RASAL2: variants seen among roughly 807,000 people sequenced by gnomAD.
RASAL2 encodes RAS protein activator like 2.
A neutral mutation model predicts 128.9 loss-of-function variants in RASAL2; 58 were observed. That is an observed-to-expected ratio of 0.45 (90% CI 0.36 to 0.56). The LOEUF is 0.56. RASAL2 is among the 20% of genes least tolerant of loss of function. The pLI is 0.00. For synonymous variants in RASAL2, 561 were observed against 580.8 expected, an observed-to-expected ratio of 0.97 and a Z score of 0.49; for missense variants, 1,360 against 1,601.6, an observed-to-expected ratio of 0.85 and a Z score of 2.57.
intron 1 of RASAL2, among the ~76,000 whole-genome samples, chr1:178,260,476 G>A (rs1465849616): frequency 7.3e-6 from 1 of 137,118 alleles, no homozygotes. Context: ...TCTAATGTGT[G>A]TTTCTAGTTT....
At chr1:178,290,826 C>T (rs367857526) in intron 2 of RASAL2, among the ~76,000 whole-genome samples, 3 of 152,162 alleles carry the variant, frequency 2.0e-5, no homozygotes, top group African/African-American at 7.2e-5. Flanking sequence ...CAGGCGCCCA[C>T]CACCACGCAC....
chr1:178,183,076 C>T (rs1203434318), intron 1 of RASAL2, among the ~76,000 whole-genome samples: 3 of 152,150 alleles, frequency 2.0e-5, no homozygotes, highest in African/African-American at 7.2e-5. Context: ...TGCTGTGTGG[C>T]CCACTTGCTA....
At chr1:178,403,647 G>A (rs1673789184) in intron 4 of RASAL2, among the ~76,000 whole-genome samples, 2 of 152,068 alleles carry the variant, frequency 1.3e-5, no homozygotes, top group Admixed American at 6.6e-5. Context: ...AATATTAGAT[G>A]TGTATCTCAT....
chr1:178,373,274 C>CTTTTTTTTTTTTCTTTTTTTTTTTTTT (rs1671815308), intron 3 of RASAL2, among the ~76,000 whole-genome samples: 1 of 60,072 alleles, frequency 1.7e-5, no homozygotes, highest in Non-Finnish European at 3.0e-5. Context: ...TGTTTCTTTC[C>CTTTTTTTTTTTTCTTTTTTTTTTTTTT]TTTTTTTTTT....
intron 8 of RASAL2, among the ~76,000 whole-genome samples, chr1:178,444,765 A>T (rs1162548663): frequency 6.6e-6 from 1 of 152,158 alleles, no homozygotes; most frequent in African/African-American, 2.4e-5. Context: ...AGTTCAGTAG[A>T]TTCTACATTG....
At chr1:178,355,022 A>G (rs922469353) in intron 3 of RASAL2, among the ~76,000 whole-genome samples, 5 of 152,078 alleles carry the variant, frequency 3.3e-5, no homozygotes, top group African/African-American at 1.2e-4. Flanking sequence ...TACTTGGGAG[A>G]CTGAAGCAGG....
chr1:178,122,394 G>A (rs1659749689), intron 1 of RASAL2, among the ~76,000 whole-genome samples: 2 of 152,210 alleles, frequency 1.3e-5, no homozygotes, highest in Non-Finnish European at 2.9e-5. Context: ...AATGCTGCCT[G>A]CTTTGACTGT....
At chr1:178,419,125 A>T (rs1674969836) in intron 4 of RASAL2, among the ~76,000 whole-genome samples, 1 of 152,186 alleles carries the variant, frequency 6.6e-6, no homozygotes, top group South Asian at 2.1e-4. Flanking sequence ...ATGTGCTAAT[A>T]TTGGCCTAGT....
At chr1:178,400,474 C>T (rs550612931) in intron 4 of RASAL2, among the ~76,000 whole-genome samples, 24 of 152,140 alleles carry the variant, frequency 1.6e-4, no homozygotes, top group African/African-American at 4.1e-4. Context: ...ATTATAGCAC[C>T]GACACTATTA....
In RASAL2 at chr1:178,452,581, T is replaced by C. The variant is rs1572101261; in HGVS notation, c.1938T>C (p.Tyr646=). The C allele has an allele frequency of 1.9e-6, 3 of 1,614,098 alleles. No individual in the cohort carries two copies. Among genetic ancestry groups the C allele is most frequent in the Non-Finnish European group, 2.5e-6 (3 of 1,179,970 alleles). ...SPSLFNLMQE[Y]PDDRTSRTLT... is the part of the protein sequence containing the mutation. ...GTCTTTTCAACCTTATGCAGGAGTA[T>C]CCTGATGACCGCACATCTCGGACTC... The change falls in exon 11 of 18, where the codon TAT becomes TAC. Residue 646 remains tyrosine (Y), a synonymous_variant. Transcript: ENST00000367649.
chr1:178,314,859 T>A (rs1668428744), intron 3 of RASAL2, among the ~76,000 whole-genome samples: 1 of 151,110 alleles, frequency 6.6e-6, no homozygotes, highest in Admixed American at 6.6e-5. Flanking sequence ...TACATATGTA[T>A]ACATGTGCCA....
intron 1 of RASAL2, among the ~76,000 whole-genome samples, chr1:178,197,282 C>T (rs1464072609): frequency 1.3e-5 from 2 of 152,098 alleles, no homozygotes; most frequent in African/African-American, 4.8e-5. Context: ...ATGGTGAAAC[C>T]TCGTCTCTAT....
At chr1:178,452,732 G>A in intron 11 of RASAL2, 80 bp downstream of exon 11, 15 of 1,127,538 alleles carry the variant, frequency 1.3e-5, no homozygotes, top group South Asian at 2.8e-5. Flanking sequence ...AGGGTTGGGA[G>A]CCTCATCACT....
intron 5 of RASAL2, among the ~76,000 whole-genome samples, chr1:178,437,476 G>A (rs754115360): frequency 6.6e-6 from 1 of 152,024 alleles, no homozygotes. Context: ...GTAGGTAGAC[G>A]TTTATTTTGT....
chr1:178,108,119 T>C (rs1239172667), intron 1 of RASAL2, among the ~76,000 whole-genome samples: 2 of 152,224 alleles, frequency 1.3e-5, no homozygotes, highest in Admixed American at 6.5e-5. Context: ...CCAACATTTA[T>C]TATTCATTTT....
intron 1 of RASAL2, among the ~76,000 whole-genome samples, chr1:178,263,430 A>C (rs1458956748): frequency 6.6e-6 from 1 of 152,178 alleles, no homozygotes; most frequent in African/African-American, 2.4e-5. Context: ...TCTTGACTAG[A>C]GTCACATGGC....
chr1:178,191,834 A>G (rs1372315802), intron 1 of RASAL2, among the ~76,000 whole-genome samples: 1 of 152,210 alleles, frequency 6.6e-6, no homozygotes, highest in Non-Finnish European at 1.5e-5. Flanking sequence ...TATTTAATGA[A>G]TGAAATAAAA....
intron 3 of RASAL2, among the ~76,000 whole-genome samples, chr1:178,375,550 G>T (rs1671943169): frequency 6.6e-6 from 1 of 152,098 alleles, no homozygotes; most frequent in Non-Finnish European, 1.5e-5. Flanking sequence ...GTTGGTTTGT[G>T]TATTAAAACC....
intron 5 of RASAL2, among the ~76,000 whole-genome samples, chr1:178,426,421 AGCCGTGATCGTGCCACTGC>A (rs1675518047): frequency 6.6e-6 from 1 of 152,290 alleles, no homozygotes; most frequent in South Asian, 2.1e-4. Context: ...GGCTGCAGTC[AGCCGTGATCGTGCCACTGC>A]ACTCCAGCCT....
Sources: allele counts gnomAD v4.1 joint callset (sites outside exome capture counted in the v4.1 genomes callset), GRCh38; gene constraint gnomAD v4.1.1; transcripts MANE v1.5; gene names NCBI Gene and HGNC (gene_info 2026-07-23, HGNC 2026-07-21).